Variants in PRR22 observed in about 807,000 individuals in gnomAD.
PRR22 encodes proline-rich protein 22.
Under a neutral mutation model 7.2 loss-of-function variants are expected in PRR22, and 5 were observed. That is an observed-to-expected ratio of 0.69 (90% confidence interval 0.36 to 1.45). The LOEUF is 1.45. Ranked by LOEUF, PRR22 falls within the 40% of genes most tolerant of loss-of-function variation. The pLI is 0.03. For synonymous variants in PRR22, 319 were observed against 269.3 expected (o/e 1.18, Z -1.81); for missense variants, 619 against 568.8 (o/e 1.09, Z -0.90).
Position 5,783,296 on chromosome 19 carries a change from G to A in PRR22, c.951C>T (p.Ser317=), listed in dbSNP as rs1274859732. ...TGTCATCGGCTGAGTTCCCACCACT[G>A]CTGTCAGGCAGGGCCGGCCCAGGGA... is the stretch of plus-strand genomic sequence containing the variant. The part of the protein sequence containing the change: ...CEVPGPALPD[S]SGGNSADDIR... Residue 317 remains serine, a synonymous_variant, in exon 3 of 3, where the codon AGC becomes AGT. Transcript: ENST00000419421. 3 of 1,612,866 alleles carry A rather than the reference G, an allele frequency of 1.9e-6. No homozygotes were observed. The highest frequency in any genetic ancestry group is 2.5e-6 in the Non-Finnish European group (3 of 1,179,988).
At position 5,783,840 on chromosome 19, in the gene PRR22, G is replaced by T; in HGVS notation, c.407C>A (p.Ala136Glu). ...GLPPYPHYQQ[A>E]PGGPQFLLPY... The stretch of plus-strand genomic sequence containing the variant: ...CAAGAGAAACTGGGGCCCCCCGGGT[G>T]CCTGCTGGTAGTGGGGGTATGGAGG... Residue 136 changes from alanine to glutamate, a missense_variant, in exon 3 of 3, where the codon GCA becomes GAA. By Grantham distance (107) the Ala-to-Glu change is moderately radical. Transcript: ENST00000419421. 6.5e-7 allele frequency: 1 copy of T among 1,547,902 alleles called. No individual in the cohort carries two copies.
At position 5,783,223 on chromosome 19, in the gene PRR22, C is replaced by A. The variant is rs781426775; in HGVS notation, c.1024G>T (p.Val342Leu). 3.7e-6 allele frequency: 6 copies of A among 1,612,670 alleles called. No homozygotes were observed. The South Asian group carries it at 5.5e-5, about 15-fold the overall frequency. Residue 342 changes from valine to leucine, a missense_variant, in exon 3 of 3, where the codon GTG becomes TTG. By Grantham distance (32) the Val-to-Leu change is conservative. Coordinates refer to ENST00000419421, the MANE Select transcript of PRR22 (RefSeq NM_001134316.2). The part of the protein sequence containing the change: ...PEELLSFDYS[V>L]PEILDTVSNV... ...GACACGGTGTCCAGGATCTCAGGCACGCTGTAGTCAAAGGACAGCAGCTCC... is the reference window on the plus strand; with the variant it reads ...GACACGGTGTCCAGGATCTCAGGCAAGCTGTAGTCAAAGGACAGCAGCTCC...
chr19:5,783,116 CG>C lies in PRR22; in HGVS notation c.1130del (p.Pro377ArgfsTer?), dbSNP rs1416756452. 2.5e-6 allele frequency: 4 copies of C among 1,612,022 alleles called. No individual in the cohort carries two copies. Among genetic ancestry groups the C allele is most frequent in the Non-Finnish European group, 3.4e-6 (4 of 1,179,656 alleles). On this transcript the variant is annotated frameshift_variant, in exon 3 of 3. Coordinates refer to ENST00000419421, the MANE Select transcript of PRR22 (RefSeq NM_001134316.2). LOFTEE classifies it low-confidence loss of function (END_TRUNC). ...PHPGPPATNT[P>X]APILSGKRKA... ...TTCTCTTGCCAGACAGAATGGGGGC[CG>C]GGGTGTTGGTGGCAGGGGGCCCCGG...
intron 2 of PRR22, 35 bp from the exon 3 acceptor site, chr19:5,784,088 G>T (rs754637217): frequency 1.3e-6 from 2 of 1,585,436 alleles, no homozygotes; most frequent in South Asian, 2.2e-5. Context: ...GAGAGCAGCT[G>T]CTGCCTGAGG....
In PRR22 at chr19:5,783,522, C is replaced by G; in HGVS notation, c.725G>C (p.Gly242Ala). 1 of 1,602,734 alleles carries G rather than the reference C, an allele frequency of 6.2e-7. No homozygotes were observed. The highest frequency in any genetic ancestry group is 2.2e-5 in the East Asian group (1 of 44,496). The change falls in exon 3 of 3, where the codon GGG becomes GCG. Residue 242 changes from glycine (G) to alanine (A), a missense_variant. Coordinates refer to ENST00000419421, the MANE Select transcript of PRR22 (RefSeq NM_001134316.2). ...GAGGCCCGGTGGGTACAGGGGCACC[C>G]CAGGTCGGGCCCCACTGCCCTGCAG... ...KELQGSGARP[G>A]VPLYPPGLSE...
Position 5,784,596 on chromosome 19 carries a change from A to G in PRR22, c.65T>C (p.Leu22Pro). 6.5e-7 allele frequency: 1 copy of G among 1,542,952 alleles called. No individual in the cohort carries two copies. ...GTTGCCCAGCACCTCAGCCCCCTCCAGACTCTGCGGGCTGAAACCTTCCTG... is the reference window on the plus strand; with the variant it reads ...GTTGCCCAGCACCTCAGCCCCCTCCGGACTCTGCGGGCTGAAACCTTCCTG... ...APQEGFSPQS[L>P]EGAEVLGNQP... Residue 22 changes from leucine (L) to proline (P), a missense_variant, in exon 1 of 3, where the codon CTG (leucine) becomes CCG (proline). Physicochemically the swap from Leu to Pro is moderately conservative, Grantham distance 98. Transcript: ENST00000419421.
Position 5,784,439 on chromosome 19 carries a change from C to A in PRR22, c.131G>T (p.Gly44Val). Residue 44 changes from glycine (G) to valine (V), a missense_variant and splice_region_variant, in exon 2 of 3, where the codon GGC (glycine) becomes GTC (valine). By Grantham distance (109) the Gly-to-Val change is moderately radical. Coordinates refer to ENST00000419421, the MANE Select transcript of PRR22 (RefSeq NM_001134316.2). ...PTCAEPPPAM[G>V]SLNLYHPPDP... ...TGGGGGATGATACAGGTTCAAGGAG[C>A]CTGTGGACAAAGGTGCCCAGGTGGG... is the stretch of plus-strand genomic sequence containing the variant. 1 of 1,558,284 alleles carries A rather than the reference C, an allele frequency of 6.4e-7. No individual in the cohort carries two copies. The highest frequency in any genetic ancestry group is 8.7e-7 in the Non-Finnish European group (1 of 1,150,788).
Position 5,783,422 on chromosome 19 carries a change from G to A in PRR22, c.825C>T (p.Ala275=). The A allele has an allele frequency of 6.2e-7, 1 of 1,612,352 alleles. No individual in the cohort carries two copies. The highest frequency in any genetic ancestry group is 1.7e-5 in the Admixed American group (1 of 59,984). ...GAGKAKAPKT[A]RALALPDKVL... Reference sequence around the variant, plus strand: ...CCTTGTCAGGCAGTGCCAAAGCTCTGGCCGTCTTGGGGGCCTTGGCCTTGC... The same window carrying A: ...CCTTGTCAGGCAGTGCCAAAGCTCTAGCCGTCTTGGGGGCCTTGGCCTTGC... Residue 275 remains alanine (A), a synonymous_variant, in exon 3 of 3, where the codon GCC becomes GCT. Transcript: ENST00000419421.
In PRR22 at chr19:5,783,683, G is replaced by T. The variant is rs766042019; in HGVS notation, c.564C>A (p.Pro188=). The change falls in exon 3 of 3, where the codon CCC becomes CCA. Residue 188 remains proline, a synonymous_variant. Transcript: ENST00000419421. ...EGPAPLPPPP[P]KENKPPPVLI... is the part of the protein sequence containing the mutation. ...GTACAGGGGGCGGCTTGTTCTCCTT[G>T]GGGGGTGGGGGTGGCAGCGGGGCCG... The T allele has an allele frequency of 2.7e-6, 4 of 1,509,418 alleles. No individual in the cohort carries two copies. Among genetic ancestry groups the T allele is most frequent in the South Asian group, 1.3e-5 (1 of 77,368 alleles). The allele number at this position is 1,509,418 out of a possible 1,614,324, so 93.5% of individuals were successfully genotyped here.
Position 5,783,575 on chromosome 19 carries a change from G to A in PRR22, c.672C>T (p.Pro224=), listed in dbSNP as rs745628323. The change falls in exon 3 of 3, where the codon CCC becomes CCT. Residue 224 remains proline, a synonymous_variant. Transcript: ENST00000419421. The part of the protein sequence containing the change: ...LQGHLGHFPG[P]EPLAFPVKEL... ...CCTTGACGGGGAAGGCCAGGGGTTCGGGCCCAGGGAAGTGGCCGAGGTGAC... is the reference window on the plus strand; with the variant it reads ...CCTTGACGGGGAAGGCCAGGGGTTCAGGCCCAGGGAAGTGGCCGAGGTGAC... 4.9e-5 allele frequency: 79 copies of A among 1,606,216 alleles called. No homozygotes were observed. In the Middle Eastern group the frequency reaches 6.6e-4, roughly 13 times the overall value.
At position 5,783,793 on chromosome 19, in the gene PRR22, G is replaced by A. The variant is rs747081476; in HGVS notation, c.454C>T (p.Pro152Ser). Residue 152 changes from proline (P) to serine (S), a missense_variant, in exon 3 of 3, where the codon CCC becomes TCC. Coordinates refer to ENST00000419421, the MANE Select transcript of PRR22 (RefSeq NM_001134316.2). The stretch of plus-strand genomic sequence containing the variant: ...ACAAAACCCAGAGCCTCTGGCCCGG[G>A]GCCCTCAGGCGGGAAGTAGGGCAAG... The part of the protein sequence containing the change: ...FLLPYFPPEG[P>S]GPEALGFVGD... 43 of 1,497,456 alleles carry A rather than the reference G, an allele frequency of 2.9e-5. No homozygotes were observed. The highest frequency in any genetic ancestry group is 8.9e-6 in the Non-Finnish European group (10 of 1,122,366). 92.8% of individuals were successfully genotyped at this position (1,497,456 alleles called of 1,614,324 possible).
rs1179501850 is a variant in PRR22 at position 5,783,401 on chromosome 19, G to A, written c.846C>T (p.Asp282=). Residue 282 remains aspartate, a synonymous_variant, in exon 3 of 3, where the codon GAC becomes GAT. Transcript: ENST00000419421. Reference sequence around the variant, plus strand: ...TCATGGCGTCCTCCAGCAGAACCTTGTCAGGCAGTGCCAAAGCTCTGGCCG... The same window carrying A: ...TCATGGCGTCCTCCAGCAGAACCTTATCAGGCAGTGCCAAAGCTCTGGCCG... ...PKTARALALP[D]KVLLEDAMKL... 3 of 1,612,556 alleles carry A rather than the reference G, an allele frequency of 1.9e-6. No individual in the cohort carries two copies. The East Asian group carries it at 6.7e-5, about 36-fold the overall frequency.
chr19:5,784,644 G>A lies in PRR22; in HGVS notation c.17C>T (p.Pro6Leu), dbSNP rs543083484. 24 of 1,534,760 alleles carry A rather than the reference G, an allele frequency of 1.6e-5. No homozygotes were observed. The East Asian group carries it at 3.7e-4, about 23-fold the overall frequency. MQHPK[P>L]FCAPAAPQEG... is the part of the protein sequence containing the mutation. ...CTGGGGAGCTGCAGGGGCACAGAAC[G>A]GTTTGGGGTGCTGCATGGGGCAGCG... The change falls in exon 1 of 3, where the codon CCG (proline) becomes CTG (leucine). Residue 6 changes from proline (P) to leucine (L), a missense_variant. Coordinates refer to ENST00000419421, the MANE Select transcript of PRR22 (RefSeq NM_001134316.2).
At chr19:5,784,115 G>A (rs2056817690) in intron 2 of PRR22, 62 bp from the exon 3 acceptor site, 2 of 1,489,744 alleles carry the variant, frequency 1.3e-6, no homozygotes, top group Non-Finnish European at 1.9e-6. Context: ...GCCCAAGCCT[G>A]GGGGCCTGTT....
rs1231318605 is a variant in PRR22, at chr19:5,784,160, C to A, written c.194-107G>T. On this transcript the variant is annotated intron_variant, in intron 2 of 2. Transcript: ENST00000419421. ...CCACAAGAACCTTGCCATTGGGGGGCCCCTTTGGGGGACGACATAGATATT... is the reference window on the plus strand; with the variant it reads ...CCACAAGAACCTTGCCATTGGGGGGACCCTTTGGGGGACGACATAGATATT... The A allele has an allele frequency of 2.5e-6, 3 of 1,188,142 alleles. No individual in the cohort carries two copies. In the Admixed American group the frequency reaches 5.0e-5, roughly 20 times the overall value. 73.6% of individuals were successfully genotyped at this position (1,188,142 alleles called of 1,614,324 possible). A position where few individuals can be genotyped will look rare whatever the true frequency, so the allele number is the denominator to read the frequency against.
In PRR22 at chr19:5,783,312, G is replaced by A. The variant is rs747790686; in HGVS notation, c.935C>T (p.Pro312Leu). ...CCCACCACTGCTGTCAGGCAGGGCCGGCCCAGGGACCTCGCACAGGGTACC... is the reference window on the plus strand; with the variant it reads ...CCCACCACTGCTGTCAGGCAGGGCCAGCCCAGGGACCTCGCACAGGGTACC... Reference protein sequence around the residue: ...PEGTLCEVPGPALPDSSGGNS... With the variant: ...PEGTLCEVPGLALPDSSGGNS... The change falls in exon 3 of 3, where the codon CCG (proline) becomes CTG (leucine). Residue 312 changes from proline to leucine, a missense_variant. By Grantham distance (98) the Pro-to-Leu change is moderately conservative (BLOSUM62 -3). Transcript: ENST00000419421. 5.2e-5 allele frequency: 84 copies of A among 1,612,656 alleles called. No individual in the cohort carries two copies. The East Asian group carries it at 1.6e-3, about 31-fold the overall frequency.
Position 5,783,212 on chromosome 19 carries a change from G to C in PRR22, c.1035C>G (p.Ile345Met). The C allele has an allele frequency of 6.2e-7, 1 of 1,612,804 alleles. No individual in the cohort carries two copies. Residue 345 changes from isoleucine to methionine, a missense_variant, in exon 3 of 3, where the codon ATC (isoleucine) becomes ATG (methionine). By Grantham distance (10) the Ile-to-Met change is conservative. Transcript: ENST00000419421. ...LLSFDYSVPE[I>M]LDTVSNVDYF... The stretch of plus-strand genomic sequence containing the variant: ...AGTCAACGTTGGACACGGTGTCCAG[G>C]ATCTCAGGCACGCTGTAGTCAAAGG...
chr19:5,784,556 G>C lies in PRR22; in HGVS notation c.105C>G (p.Thr35=). 3.2e-6 allele frequency: 5 copies of C among 1,548,538 alleles called. No individual in the cohort carries two copies. The highest frequency in any genetic ancestry group is 4.4e-6 in the Non-Finnish European group (5 of 1,146,902). ...AEVLGNQPAP[T]CAEPPPAMGS... is the part of the protein sequence containing the mutation. ...CCATAGCGGGAGGAGGCTCGGCACA[G>C]GTGGGAGCAGGCTGGTTGCCCAGCA... is the stretch of plus-strand genomic sequence containing the variant. Residue 35 remains threonine (T), a synonymous_variant, in exon 1 of 3, where the codon ACC becomes ACG. Transcript: ENST00000419421.
At position 5,783,394 on chromosome 19, in the gene PRR22, G is replaced by A; in HGVS notation, c.853C>T (p.Leu285=). 1.9e-6 allele frequency: 3 copies of A among 1,612,660 alleles called. No individual in the cohort carries two copies. The highest frequency in any genetic ancestry group is 2.5e-6 in the Non-Finnish European group (3 of 1,179,950). The change falls in exon 3 of 3, where the codon CTG becomes TTG. Residue 285 remains leucine (L), a synonymous_variant. Transcript: ENST00000419421. ...AAGAGCTTCATGGCGTCCTCCAGCA[G>A]AACCTTGTCAGGCAGTGCCAAAGCT... is the stretch of plus-strand genomic sequence containing the variant. The part of the protein sequence containing the change: ...ARALALPDKV[L]LEDAMKLFDC...
Sources: allele counts gnomAD v4.1 joint callset, GRCh38; gene constraint gnomAD v4.1.1; transcripts MANE v1.5; gene names NCBI Gene and HGNC (gene_info 2026-07-23, HGNC 2026-07-21).